Variants in TEAD1 observed in about 807,000 individuals in gnomAD.
The protein encoded by TEAD1 is transcriptional enhancer factor TEF-1.
Under a neutral mutation model 54.9 loss-of-function variants are expected in TEAD1, and 9 were observed. The ratio of observed to expected loss-of-function variants is 0.16; its 90% CI spans 0.10 to 0.29. TEAD1 has a LOEUF of 0.29. TEAD1 is among the 10% of genes least tolerant of loss of function. TEAD1 has a pLI of 1.00. For synonymous variants in TEAD1, 200 were observed against 187.8 expected (o/e 1.07, Z -0.53); for missense variants, 387 against 535.9 (o/e 0.72, Z 2.74).
At chr11:12,850,874 G>A (rs2134050443) in intron 3 of TEAD1, among the ~76,000 whole-genome samples, 1 of 152,308 alleles carries the variant, frequency 6.6e-6, no homozygotes, top group African/African-American at 2.4e-5. Flanking sequence ...TTGGGGAAGT[G>A]GCAGGGACAT....
At chr11:12,907,005 G>A (rs1948532775) in intron 10 of TEAD1, among the ~76,000 whole-genome samples, 1 of 152,134 alleles carries the variant, frequency 6.6e-6, no homozygotes, top group Admixed American at 6.5e-5. Flanking sequence ...CATCTTTCTT[G>A]GGGAGCTACC....
intron 3 of TEAD1, among the ~76,000 whole-genome samples, chr11:12,782,722 G>C (rs1359422801): frequency 2.0e-5 from 3 of 152,208 alleles, no homozygotes; most frequent in African/African-American, 7.2e-5. Context: ...CAATGTAATA[G>C]TAACTCTCTG....
intron 2 of TEAD1, among the ~76,000 whole-genome samples, chr11:12,711,950 C>G (rs915011834): frequency 1.3e-5 from 2 of 152,076 alleles, no homozygotes; most frequent in East Asian, 3.9e-4. Context: ...ATGTGCAGAG[C>G]CTGCCTCTCT....
chr11:12,793,392 G>A (rs1590157404), intron 3 of TEAD1, among the ~76,000 whole-genome samples: 1 of 152,088 alleles, frequency 6.6e-6, no homozygotes, highest in East Asian at 1.9e-4. Flanking sequence ...GATCAGTGCT[G>A]GATATTTAGG....
At chr11:12,795,347 A>G (rs983340716) in intron 3 of TEAD1, among the ~76,000 whole-genome samples, 2 of 152,186 alleles carry the variant, frequency 1.3e-5, no homozygotes, top group Admixed American at 1.3e-4. Flanking sequence ...CATATCTTCA[A>G]TGACACCATC....
chr11:12,891,044 T>C (rs1052828664), intron 9 of TEAD1, among the ~76,000 whole-genome samples: 1 of 152,180 alleles, frequency 6.6e-6, no homozygotes, highest in Non-Finnish European at 1.5e-5. Flanking sequence ...GGATTACAGA[T>C]GTGAACCACC....
intron 5 of TEAD1, among the ~76,000 whole-genome samples, chr11:12,878,681 C>T (rs1193800790): frequency 6.6e-6 from 1 of 152,060 alleles, no homozygotes; most frequent in Non-Finnish European, 1.5e-5. Flanking sequence ...CATTGCCTTT[C>T]TAGATAGCCA....
intron 2 of TEAD1, among the ~76,000 whole-genome samples, chr11:12,733,035 G>A (rs1944453325): frequency 6.6e-6 from 1 of 152,182 alleles, no homozygotes; most frequent in Admixed American, 6.5e-5. Flanking sequence ...CAGATTCATG[G>A]TATGAAGGCA....
chr11:12,698,272 C>T (rs1943629040), intron 2 of TEAD1, among the ~76,000 whole-genome samples: 1 of 152,114 alleles, frequency 6.6e-6, no homozygotes, highest in Non-Finnish European at 1.5e-5. Flanking sequence ...CCTGCCATGC[C>T]TGCTCCTTCC....
At chr11:12,935,966 G>A (rs971683028) in intron 12 of TEAD1, among the ~76,000 whole-genome samples, 1 of 152,168 alleles carries the variant, frequency 6.6e-6, no homozygotes, top group African/African-American at 2.4e-5. Flanking sequence ...AGTAGGGACT[G>A]GAAGCTTGGA....
chr11:12,807,488 C>T (rs1227617151), intron 3 of TEAD1, among the ~76,000 whole-genome samples: 1 of 152,180 alleles, frequency 6.6e-6, no homozygotes, highest in East Asian at 1.9e-4. Flanking sequence ...GTTACTTAAC[C>T]TTCTCTAAGT....
In TEAD1 at chr11:12,885,496, C is replaced by T. The variant is rs561722986; in HGVS notation, c.699+2371C>T. Among the ~76,000 whole-genome samples the T allele has an allele frequency of 1.5e-4, 23 of 152,118 alleles. No homozygotes were observed. In the East Asian group the frequency reaches 2.3e-3, roughly 15 times the overall value. ...TTGTGATCTGCCCGCCTAGGCCTCC[C>T]GAAGTGCTGGGATTACAGGCGTGAG... On this transcript the variant is annotated intron_variant, in intron 9 of 12. Coordinates refer to ENST00000527636, the MANE Select transcript of TEAD1 (RefSeq NM_021961.6).
At chr11:12,755,256 G>T (rs1234821637) in intron 2 of TEAD1, among the ~76,000 whole-genome samples, 1 of 151,988 alleles carries the variant, frequency 6.6e-6, no homozygotes, top group Non-Finnish European at 1.5e-5. Context: ...TTCTTGAAAT[G>T]GTGTATATAC....
At chr11:12,711,741 TGGA>T (rs1397331520) in intron 2 of TEAD1, among the ~76,000 whole-genome samples, 1 of 152,164 alleles carries the variant, frequency 6.6e-6, no homozygotes, top group Non-Finnish European at 1.5e-5. Context: ...CAAGGTAACG[TGGA>T]AGGTGACTGA....
intron 2 of TEAD1, among the ~76,000 whole-genome samples, chr11:12,754,089 T>C (rs1944936819): frequency 6.6e-6 from 1 of 152,252 alleles, no homozygotes; most frequent in Non-Finnish European, 1.5e-5. Flanking sequence ...CCTTGGCCTA[T>C]TTTCATTATC....
chr11:12,758,590 G>A (rs896573689), intron 2 of TEAD1, among the ~76,000 whole-genome samples: 9 of 151,790 alleles, frequency 5.9e-5, no homozygotes, highest in African/African-American at 2.2e-4. Context: ...TTGTTTTTGT[G>A]TTTTTAGTAG....
At position 12,838,770 on chromosome 11, in the gene TEAD1, A is replaced by T. The variant is rs540283856; in HGVS notation, c.203-23480A>T. ...TCTAAAGTGTTTTCTAGAGCCAAAC[A>T]TTTCTGATTCTCTAATATTAAAGTC... On this transcript the variant is annotated intron_variant, in intron 3 of 12. Transcript: ENST00000527636. Among the ~76,000 whole-genome samples, 3 of 152,216 alleles carry T rather than the reference A, an allele frequency of 2.0e-5. No homozygotes were observed. In the East Asian group the frequency reaches 5.8e-4, roughly 29 times the overall value.
intron 3 of TEAD1, among the ~76,000 whole-genome samples, chr11:12,857,494 A>G (rs923067260): frequency 6.6e-6 from 1 of 152,164 alleles, no homozygotes; most frequent in African/African-American, 2.4e-5. Flanking sequence ...TTAGGAAAAT[A>G]ATAAGTAACT....
At chr11:12,853,249 AG>A (rs145446603) in intron 3 of TEAD1, among the ~76,000 whole-genome samples, 2,392 of 152,204 alleles carry the variant, frequency 0.016, 23 homozygotes, top group Non-Finnish European at 0.026. Flanking sequence ...GGGAACTGGA[AG>A]CTTGGTAGGT....
Sources: gnomAD v4.1 joint callset for allele counts (sites outside exome capture counted in the v4.1 genomes callset) on GRCh38, gnomAD v4.1.1 for gene constraint, MANE v1.5 for transcripts, NCBI Gene and HGNC (gene_info 2026-07-23, HGNC 2026-07-21) for gene names.